Variants in SPAG16 observed in about 807,000 individuals in gnomAD.
SPAG16 encodes the protein sperm associated antigen 16, also known as sperm-associated antigen 16 protein.
In SPAG16, 86 loss-of-function variants were observed where a neutral mutation model predicts 80.4. The observed-to-expected ratio is 1.07, with a 90% confidence interval of 0.90 to 1.28. The LOEUF is 1.28. SPAG16 is among the 50% of genes most tolerant of loss of function. The pLI, the probability that SPAG16 is intolerant of heterozygous loss-of-function variation, is 0.00. For synonymous variants in SPAG16, 294 were observed against 265.9 expected, an observed-to-expected ratio of 1.11 and a Z score of -1.03; for missense variants, 870 against 765.3, an observed-to-expected ratio of 1.14 and a Z score of -1.61.
rs183457870 is a variant in SPAG16, at chr2:213,587,408, A to G, written c.1070+97318A>G. 9.8e-5 allele frequency among the ~76,000 whole-genome samples: 15 copies of G among 152,288 alleles called. No individual in the cohort carries two copies. The East Asian group carries it at 2.7e-3, about 27-fold the overall frequency. On this transcript the variant is annotated intron_variant, in intron 10 of 15. Transcript: ENST00000331683. ...ATTGAGGAGTACAGCAACAGAGTGCAGGAAGCAGAGCCCATGATCTGAGGT... is the reference window on the plus strand; with the variant it reads ...ATTGAGGAGTACAGCAACAGAGTGCGGGAAGCAGAGCCCATGATCTGAGGT...
At chr2:214,237,975 G>A (rs1298350572) in intron 15 of SPAG16, among the ~76,000 whole-genome samples, 3 of 152,016 alleles carry the variant, frequency 2.0e-5, no homozygotes, top group Non-Finnish European at 2.9e-5. Flanking sequence ...TGTAGATTTA[G>A]GATTTAGAGC....
chr2:214,176,704 A>G (rs2057095113), intron 15 of SPAG16, among the ~76,000 whole-genome samples: 1 of 151,244 alleles, frequency 6.6e-6, no homozygotes, highest in Admixed American at 6.6e-5. Flanking sequence ...TCATATAACA[A>G]TAGAAGTACA....
intron 10 of SPAG16, among the ~76,000 whole-genome samples, chr2:213,629,553 A>G (rs1232230056): frequency 6.6e-6 from 1 of 152,226 alleles, no homozygotes; most frequent in Non-Finnish European, 1.5e-5. Context: ...AATTGCTGCG[A>G]AGAGTCAAAT....
intron 15 of SPAG16, among the ~76,000 whole-genome samples, chr2:214,384,438 C>T (rs919286128): frequency 2.6e-5 from 4 of 152,178 alleles, no homozygotes; most frequent in Non-Finnish European, 1.5e-5. Context: ...ATACCTATGT[C>T]TCCAGTGTGA....
intron 10 of SPAG16, among the ~76,000 whole-genome samples, chr2:213,536,005 C>T (rs1343874350): frequency 1.3e-5 from 2 of 151,962 alleles, no homozygotes; most frequent in African/African-American, 4.8e-5. Flanking sequence ...AAATTTAAAG[C>T]ATATTTTATC....
intron 10 of SPAG16, among the ~76,000 whole-genome samples, chr2:213,586,310 T>C (rs574920300): frequency 3.9e-5 from 6 of 152,334 alleles, no homozygotes; most frequent in African/African-American, 1.2e-4. Context: ...GAGCAAGGTG[T>C]TGACACATTC....
intron 10 of SPAG16, among the ~76,000 whole-genome samples, chr2:213,629,318 G>A (rs999657843): frequency 9.9e-5 from 15 of 152,252 alleles, no homozygotes; most frequent in African/African-American, 3.1e-4. Context: ...AGGACTACAC[G>A]TGTTACCAAC....
chr2:213,867,996 A>C (rs2075772508), intron 11 of SPAG16, among the ~76,000 whole-genome samples: 1 of 151,074 alleles, frequency 6.6e-6, no homozygotes, highest in Non-Finnish European at 1.5e-5. Context: ...ACAGTGGGCT[A>C]CGAAGGGAAG....
intron 10 of SPAG16, among the ~76,000 whole-genome samples, chr2:213,712,075 A>C (rs1350987722): frequency 6.6e-6 from 1 of 152,054 alleles, no homozygotes; most frequent in Non-Finnish European, 1.5e-5. Flanking sequence ...CTGCAATATA[A>C]ATGGCCTAGG....
chr2:213,800,594 T>C (rs1272796312), intron 10 of SPAG16, among the ~76,000 whole-genome samples: 1 of 152,170 alleles, frequency 6.6e-6, no homozygotes, highest in Non-Finnish European at 1.5e-5. Context: ...AGGCTGGCAT[T>C]TATTCTTCCT....
intron 15 of SPAG16, among the ~76,000 whole-genome samples, chr2:214,326,722 G>A (rs2126003321): frequency 6.6e-6 from 1 of 152,122 alleles, no homozygotes; most frequent in East Asian, 1.9e-4. Context: ...GAGGCAGGCG[G>A]ATCACGAGAT....
intron 10 of SPAG16, among the ~76,000 whole-genome samples, chr2:213,594,870 T>G (rs2060834590): frequency 1.3e-5 from 2 of 152,188 alleles, no homozygotes; most frequent in African/African-American, 4.8e-5. Context: ...GTACATTTTT[T>G]TGTGTGTCTG....
chr2:213,643,345 ATTTTATATATATATAT>A (rs2062676737), intron 10 of SPAG16, among the ~76,000 whole-genome samples: 4 of 46,160 alleles, frequency 8.7e-5, no homozygotes, highest in East Asian at 6.6e-4. Context: ...TTGGATCTTA[ATTTTATATATATATAT>A]ATATATATAT....
intron 10 of SPAG16, among the ~76,000 whole-genome samples, chr2:213,859,039 C>T (rs1308607198): frequency 6.6e-6 from 1 of 151,232 alleles, no homozygotes; most frequent in African/African-American, 2.4e-5. Context: ...ATTAGCCAGA[C>T]ATGGTGGCAC....
At chr2:214,141,551 T>A (rs1416753354) in intron 14 of SPAG16, among the ~76,000 whole-genome samples, 1 of 152,156 alleles carries the variant, frequency 6.6e-6, no homozygotes, top group Non-Finnish European at 1.5e-5. Context: ...ATACTTAGGA[T>A]TTTACTTTTT....
At chr2:214,033,206 A>G (rs768639297) in intron 13 of SPAG16, among the ~76,000 whole-genome samples, 1 of 152,218 alleles carries the variant, frequency 6.6e-6, no homozygotes, top group Non-Finnish European at 1.5e-5. Context: ...TTTTTCCCCA[A>G]GATTACTGTC....
chr2:213,863,708 G>A (rs749186923), intron 11 of SPAG16, among the ~76,000 whole-genome samples: 5 of 151,886 alleles, frequency 3.3e-5, no homozygotes, highest in Admixed American at 1.3e-4. Flanking sequence ...ATAGCCAATC[G>A]CTTATGTAGC....
At chr2:213,829,678 C>T (rs2073514070) in intron 10 of SPAG16, among the ~76,000 whole-genome samples, 1 of 152,148 alleles carries the variant, frequency 6.6e-6, no homozygotes, top group Admixed American at 6.5e-5. Flanking sequence ...ATTACTGCTG[C>T]TGAATATTTA....
intron 10 of SPAG16, among the ~76,000 whole-genome samples, chr2:213,781,206 G>T (rs529834607): frequency 6.6e-6 from 1 of 152,038 alleles, no homozygotes; most frequent in South Asian, 2.1e-4. Flanking sequence ...CCTTTTTTAG[G>T]CGGATGCCTC....
Sources: gnomAD v4.1 joint callset for allele counts (sites outside exome capture counted in the v4.1 genomes callset) on GRCh38, gnomAD v4.1.1 for gene constraint, MANE v1.5 for transcripts, NCBI Gene and HGNC (gene_info 2026-07-23, HGNC 2026-07-21) for gene names.